The following FAM193A variants were observed in gnomAD, a reference collection of about 807,000 sequenced individuals.
FAM193A encodes family with sequence similarity 193 member A, also known as protein FAM193A.
FAM193A carries 22 observed loss-of-function variants against 126.5 expected under a neutral mutation model. That is an observed-to-expected ratio of 0.17 (90% CI 0.12 to 0.25). FAM193A has a LOEUF of 0.25. Among genes scored for constraint, FAM193A ranks in the 10% least tolerant of loss-of-function variants. The pLI is 1.00. For synonymous variants in FAM193A, 761 were observed against 646.8 expected (o/e 1.18, Z -2.68); for missense variants, 1,675 against 1,672.8 (o/e 1.00, Z -0.02).
At chr4:2,670,259 C>G in intron 12 of FAM193A, among the ~76,000 whole-genome samples, 1 of 152,220 alleles carries the variant, frequency 6.6e-6, no homozygotes, top group African/African-American at 2.4e-5. Flanking sequence ...TACTCTTCAC[C>G]TATAGAATTT....
At chr4:2,645,420 T>C (rs1030686687) in intron 6 of FAM193A, among the ~76,000 whole-genome samples, 7 of 152,184 alleles carry the variant, frequency 4.6e-5, no homozygotes, top group African/African-American at 1.7e-4. Context: ...TGCTCAGTCT[T>C]TTCAGAAATC....
At chr4:2,639,687 T>C in intron 5 of FAM193A, 48 bp from the exon 6 acceptor site, 1 of 1,549,900 alleles carries the variant, frequency 6.5e-7, no homozygotes, top group African/African-American at 1.4e-5. Context: ...TTCTAGTCTT[T>C]AGCAATTCAC....
intron 10 of FAM193A, among the ~76,000 whole-genome samples, chr4:2,661,114 C>T (rs1412210421): frequency 6.6e-6 from 1 of 152,132 alleles, no homozygotes; most frequent in African/African-American, 2.4e-5. Context: ...TCTTGTGTCA[C>T]GTGTGGTAGT....
At chr4:2,709,829 C>G (rs961566142) in intron 19 of FAM193A, among the ~76,000 whole-genome samples, 1 of 152,168 alleles carries the variant, frequency 6.6e-6, no homozygotes, top group African/African-American at 2.4e-5. Context: ...CCTTTGCAAG[C>G]CCCCTGGACC....
At chr4:2,600,240 A>T (rs1203868399) in intron 2 of FAM193A, among the ~76,000 whole-genome samples, 5 of 152,016 alleles carry the variant, frequency 3.3e-5, no homozygotes, top group Admixed American at 2.6e-4. Flanking sequence ...CAGTCCATGG[A>T]TTCCATTCCT....
At chr4:2,554,748 T>A (rs1003188932) in intron 1 of FAM193A, among the ~76,000 whole-genome samples, 3 of 152,234 alleles carry the variant, frequency 2.0e-5, no homozygotes, top group Non-Finnish European at 4.4e-5. Flanking sequence ...CATGTATGTT[T>A]GAAGCTGTGT....
chr4:2,685,348 G>A (rs1235919894), intron 13 of FAM193A, among the ~76,000 whole-genome samples: 3 of 152,192 alleles, frequency 2.0e-5, no homozygotes, highest in Non-Finnish European at 4.4e-5. Context: ...ATTTAATACA[G>A]TTAAAATATG....
At chr4:2,725,650 T>A (rs147493627) in intron 20 of FAM193A, among the ~76,000 whole-genome samples, 36 of 151,874 alleles carry the variant, frequency 2.4e-4, no homozygotes, top group African/African-American at 8.2e-4. Context: ...ATCCTGTAGT[T>A]CAACAGTTTA....
intron 1 of FAM193A, among the ~76,000 whole-genome samples, chr4:2,550,146 T>C (rs1013052846): frequency 6.6e-6 from 1 of 151,430 alleles, no homozygotes; most frequent in African/African-American, 2.4e-5. Context: ...ATGTGATTCT[T>C]GTGCCTCAGC....
At chr4:2,612,621 TAA>T (rs1242206571) in intron 2 of FAM193A, among the ~76,000 whole-genome samples, 1 of 152,222 alleles carries the variant, frequency 6.6e-6, no homozygotes, top group South Asian at 2.1e-4. Context: ...TTGTAAGGGT[TAA>T]GAGTCATCTT....
At chr4:2,713,633 C>T (rs894482879) in intron 19 of FAM193A, among the ~76,000 whole-genome samples, 6 of 152,192 alleles carry the variant, frequency 3.9e-5, no homozygotes, top group African/African-American at 1.4e-4. Flanking sequence ...CTCCCTGTCT[C>T]TCCTCTTCCC....
At chr4:2,659,284 C>T (rs910744992) in intron 8 of FAM193A, among the ~76,000 whole-genome samples, 1 of 152,114 alleles carries the variant, frequency 6.6e-6, no homozygotes, top group Non-Finnish European at 1.5e-5. Context: ...GGGTAAAGGC[C>T]GGGTTTCTGC....
chr4:2,566,326 C>T (rs1018121064), intron 1 of FAM193A, among the ~76,000 whole-genome samples: 9 of 152,158 alleles, frequency 5.9e-5, no homozygotes, highest in African/African-American at 1.7e-4. Flanking sequence ...GGATTATAGG[C>T]GTGAGCCACC....
intron 1 of FAM193A, among the ~76,000 whole-genome samples, chr4:2,566,775 C>T (rs1227883943): frequency 6.6e-6 from 1 of 152,098 alleles, no homozygotes; most frequent in African/African-American, 2.4e-5. Context: ...TTTTACTGCA[C>T]ACTTAAACTT....
At chr4:2,542,270 G>T (rs1393346958) in intron 1 of FAM193A, among the ~76,000 whole-genome samples, 1 of 152,152 alleles carries the variant, frequency 6.6e-6, no homozygotes, top group South Asian at 2.1e-4. Context: ...CTCCCAAAGT[G>T]CTGGGATTAC....
At chr4:2,582,589 T>C (rs1217258550) in intron 1 of FAM193A, among the ~76,000 whole-genome samples, 1 of 151,504 alleles carries the variant, frequency 6.6e-6, no homozygotes, top group African/African-American at 2.5e-5. Context: ...ACCAGGTGTT[T>C]TTTTGTTGTT....
rs375700021 is a variant in FAM193A, at chr4:2,697,353, CAAAAAA to C, written c.3507+764_3507+769del. Among the ~76,000 whole-genome samples the C allele has an allele frequency of 3.6e-3, 541 of 150,308 alleles. 5 individuals are homozygous for C. The highest frequency in any genetic ancestry group is 0.013 in the South Asian group (60 of 4,734). On this transcript the variant is annotated intron_variant, in intron 18 of 20. Coordinates refer to ENST00000637812, the MANE Select transcript of FAM193A (RefSeq NM_001366318.2). Reference sequence around the variant, plus strand: ...CCTGGGTGACAGAGTGAGACTGTCTCAAAAAAAAAGACAACTTTTTTCTCTTGGAGG... The same window carrying C: ...CCTGGGTGACAGAGTGAGACTGTCTCAAAGACAACTTTTTTCTCTTGGAGG...
At chr4:2,593,125 C>G (rs1352099817) in intron 1 of FAM193A, among the ~76,000 whole-genome samples, 1 of 152,196 alleles carries the variant, frequency 6.6e-6, no homozygotes, top group African/African-American at 2.4e-5. Context: ...AAATACCCAG[C>G]ACCTGACGCT....
At chr4:2,719,266 C>T (rs996495563) in intron 20 of FAM193A, among the ~76,000 whole-genome samples, 5 of 152,100 alleles carry the variant, frequency 3.3e-5, no homozygotes, top group Admixed American at 6.6e-5. Context: ...GTTGAGATCA[C>T]GCCATTGAAC....
Sources: allele counts gnomAD v4.1 joint callset (sites outside exome capture counted in the v4.1 genomes callset), GRCh38; gene constraint gnomAD v4.1.1; transcripts MANE v1.5; gene names NCBI Gene and HGNC (gene_info 2026-07-23, HGNC 2026-07-21).